HMCN1: variants seen among roughly 807,000 people sequenced by gnomAD.
HMCN1 encodes the protein hemicentin-1.
Under a neutral mutation model 625.9 loss-of-function variants are expected in HMCN1, and 321 were observed. The observed-to-expected ratio is 0.51, with a 90% confidence interval of 0.47 to 0.56. HMCN1 has a LOEUF of 0.56. HMCN1 is among the 20% of genes least tolerant of loss of function. The pLI is 0.00. For missense variants in HMCN1, 6,588 were observed against 6,887.3 expected (o/e 0.96, Z 1.54); for synonymous variants, 2,425 against 2,417.6 (o/e 1.00, Z -0.09).
chr1:186,019,785 C>T (rs991506212), intron 35 of HMCN1, 90 bp downstream of exon 35: 4 of 1,114,436 alleles, frequency 3.6e-6, no homozygotes, highest in Non-Finnish European at 5.1e-6. Context: ...TGTAGATTTT[C>T]CTGTTGGACA....
chr1:185,848,303 C>G (rs1661961279), intron 2 of HMCN1, among the ~76,000 whole-genome samples: 1 of 152,244 alleles, frequency 6.6e-6, no homozygotes, highest in South Asian at 2.1e-4. Flanking sequence ...ATGCTCCAGT[C>G]CTCATCATAC....
chr1:186,154,094 T>TTCATGTGTG, intron 97 of HMCN1, 107 bp downstream of exon 97: 1 of 897,962 alleles, frequency 1.1e-6, no homozygotes, highest in Non-Finnish European at 1.8e-6. Context: ...TATCAGGTTT[T>TTCATGTGTG]TCATGTGTGT....
chr1:186,071,074 C>A (rs1267589457), intron 52 of HMCN1, among the ~76,000 whole-genome samples: 1 of 152,120 alleles, frequency 6.6e-6, no homozygotes, highest in African/African-American at 2.4e-5. Flanking sequence ...CACCCTCCCA[C>A]TGGAGAAGTT....
intron 1 of HMCN1, among the ~76,000 whole-genome samples, chr1:185,770,846 TA>T (rs1362164118): frequency 6.6e-6 from 1 of 152,198 alleles, no homozygotes. Context: ...AGGGCCTTAT[TA>T]AGGCAGTGTT....
rs1359454518 is a variant in HMCN1 at position 185,734,569 on chromosome 1, A to C, written c.-211A>C. ...CCAGGAGGAAGCCGCATCCAGACAA[A>C]AGCTGCCGCATCCCTGCCCTGCCCA... On this transcript the variant is annotated 5_prime_UTR_variant, in exon 1 of 107. Coordinates refer to ENST00000271588, the MANE Select transcript of HMCN1 (RefSeq NM_031935.3). The C allele has an allele frequency of 6.9e-6, 4 of 583,202 alleles. No individual in the cohort carries two copies. The highest frequency in any genetic ancestry group is 3.7e-5 in the African/African-American group (2 of 53,580). The allele number at this position is 583,202 out of a possible 1,614,324, so 36.1% of individuals were successfully genotyped here.
chr1:186,127,625 G>A (rs546852307), intron 82 of HMCN1, among the ~76,000 whole-genome samples: 5 of 152,208 alleles, frequency 3.3e-5, no homozygotes, highest in South Asian at 2.1e-4. Context: ...AGAGCTGGCC[G>A]TTGAATTTAG....
chr1:185,800,660 A>G (rs1352004389), intron 1 of HMCN1, among the ~76,000 whole-genome samples: 4 of 152,174 alleles, frequency 2.6e-5, no homozygotes, highest in African/African-American at 7.2e-5. Flanking sequence ...TTCGTTTGCA[A>G]GTGAATTAGA....
At chr1:186,053,748 CAA>C (rs766328597) in intron 43 of HMCN1, 75 bp from the exon 44 acceptor site, 125 of 1,455,822 alleles carry the variant, frequency 8.6e-5, no homozygotes, top group Non-Finnish European at 1.2e-4. Context: ...ACTGAATAAA[CAA>C]ATGTCATACT....
At chr1:186,081,184 C>G (rs1485606381) in intron 55 of HMCN1, 23 bp from the exon 56 acceptor site, 1 of 1,600,180 alleles carries the variant, frequency 6.2e-7, no homozygotes, top group Admixed American at 1.7e-5. Flanking sequence ...CATTTTTCTC[C>G]CTTTGTTGCA....
Position 186,152,847 on chromosome 1 carries a change from G to A in HMCN1, c.14994G>A (p.Gln4998=). Residue 4998 remains glutamine, a synonymous_variant, in exon 96 of 107, where the codon CAG becomes CAA. Transcript: ENST00000271588. Reference sequence around the variant, plus strand: ...TGAGTGGCTATGTCCTACAGCTTCAGTCACCTGCTGAAGTCACTGTAAAGG... The same window carrying A: ...TGAGTGGCTATGTCCTACAGCTTCAATCACCTGCTGAAGTCACTGTAAAGG... ...IVVSGYVLQL[Q]SPAEVTVKDY... is the part of the protein sequence containing the mutation. 6.2e-7 allele frequency: 1 copy of A among 1,613,910 alleles called. No individual in the cohort carries two copies. Among genetic ancestry groups the A allele is most frequent in the South Asian group, 1.1e-5 (1 of 91,076 alleles).
chr1:186,062,650 T>C (rs763174739), intron 48 of HMCN1, 50 bp downstream of exon 48: 1 of 1,195,808 alleles, frequency 8.4e-7, no homozygotes, highest in Non-Finnish European at 1.3e-6. Flanking sequence ...TCACTGATAG[T>C]CATTGCCTCC....
chr1:185,924,939 T>C, intron 8 of HMCN1, 108 bp from the exon 9 acceptor site: 1 of 966,034 alleles, frequency 1.0e-6, no homozygotes, highest in Non-Finnish European at 1.6e-6. Context: ...GAGGATTTAC[T>C]GGAATAATTT....
At chr1:186,061,401 C>G (rs1372105299) in intron 46 of HMCN1, among the ~76,000 whole-genome samples, 2 of 152,144 alleles carry the variant, frequency 1.3e-5, no homozygotes, top group Non-Finnish European at 2.9e-5. Flanking sequence ...TGTGGGAAAC[C>G]ATTCCCATGA....
intron 36 of HMCN1, among the ~76,000 whole-genome samples, chr1:186,027,315 T>G (rs1025154343): frequency 6.6e-6 from 1 of 152,196 alleles, no homozygotes; most frequent in African/African-American, 2.4e-5. Context: ...TAGACCAAAC[T>G]ATGAAATTAC....
At chr1:186,159,400 A>G (rs1475809169) in intron 97 of HMCN1, among the ~76,000 whole-genome samples, 1 of 152,120 alleles carries the variant, frequency 6.6e-6, no homozygotes, top group African/African-American at 2.4e-5. Flanking sequence ...TCCTAATTGA[A>G]TGCCCTTTAT....
At chr1:185,753,584 G>T (rs895727654) in intron 1 of HMCN1, among the ~76,000 whole-genome samples, 1 of 151,474 alleles carries the variant, frequency 6.6e-6, no homozygotes, top group African/African-American at 2.4e-5. Context: ...TTTTAACTTC[G>T]TCATTTATTT....
chr1:186,018,285 C>A lies in HMCN1; in HGVS notation c.5403C>A (p.Gly1801=), dbSNP rs1282745653. Residue 1801 remains glycine, a synonymous_variant, in exon 34 of 107, where the codon GGC becomes GGA. Coordinates refer to ENST00000271588, the MANE Select transcript of HMCN1 (RefSeq NM_031935.3). The part of the protein sequence containing the change: ...VIAQAQVSNT[G]LYRCMAANTA... ...CTCAGGCTCAAGTGTCAAACACAGGCCTTTATCGGTGCATGGCAGCAAATA... is the reference window on the plus strand; with the variant it reads ...CTCAGGCTCAAGTGTCAAACACAGGACTTTATCGGTGCATGGCAGCAAATA... The A allele has an allele frequency of 3.1e-6, 5 of 1,612,710 alleles. No homozygotes were observed. Among genetic ancestry groups the A allele is most frequent in the Non-Finnish European group, 1.7e-6 (2 of 1,179,110 alleles).
intron 50 of HMCN1, among the ~76,000 whole-genome samples, chr1:186,068,937 A>G (rs1658313333): frequency 6.6e-6 from 1 of 152,138 alleles, no homozygotes; most frequent in Non-Finnish European, 1.5e-5. Context: ...GTGGTCAGAA[A>G]AAGCTTTGTT....
At chr1:186,152,186 G>A (rs1309048327) in intron 95 of HMCN1, among the ~76,000 whole-genome samples, 1 of 152,206 alleles carries the variant, frequency 6.6e-6, no homozygotes, top group African/African-American at 2.4e-5. Flanking sequence ...GTCTTAAGGA[G>A]TATGGGTTAG....
Sources: allele counts gnomAD v4.1 joint callset (sites outside exome capture counted in the v4.1 genomes callset), GRCh38; gene constraint gnomAD v4.1.1; transcripts MANE v1.5; gene names NCBI Gene and HGNC (gene_info 2026-07-23, HGNC 2026-07-21).